Variants in EYS observed in about 807,000 individuals in gnomAD.
EYS encodes the protein protein eyes shut homolog.
Under a neutral mutation model 282.1 loss-of-function variants are expected in EYS, and 250 were observed. The observed-to-expected ratio is 0.89, with a 90% CI of 0.80 to 0.98. The LOEUF (loss-of-function observed/expected upper bound fraction) is 0.98. EYS is among the 50% of genes least tolerant of loss of function. The pLI, the probability that EYS is intolerant of heterozygous loss-of-function variation, is 0.00. For synonymous variants in EYS, 1,355 were observed against 1,282.9 expected (o/e 1.06, Z -1.20); for missense variants, 4,016 against 3,709.0 (o/e 1.08, Z -2.15).
At chr6:65,041,566 A>G (rs887706442) in intron 13 of EYS, among the ~76,000 whole-genome samples, 5 of 151,584 alleles carry the variant, frequency 3.3e-5, no homozygotes, top group Admixed American at 6.6e-5. Flanking sequence ...GAAAATAAGA[A>G]TCTTATTTAT....
At chr6:65,444,707 A>T (rs1028496836) in intron 5 of EYS, among the ~76,000 whole-genome samples, 16 of 152,136 alleles carry the variant, frequency 1.1e-4, no homozygotes, top group Admixed American at 3.9e-4. Context: ...TCTAGCCAAG[A>T]TTAACATTTA....
intron 28 of EYS, 144 bp from the exon 29 acceptor site, chr6:64,388,984 T>G: frequency 1.8e-6 from 1 of 567,472 alleles, no homozygotes; most frequent in South Asian, 5.2e-5. Flanking sequence ...ATTAATCTGT[T>G]ATAAATTAGA....
At chr6:64,251,212 TA>T (rs1382460349) in intron 30 of EYS, among the ~76,000 whole-genome samples, 1 of 152,294 alleles carries the variant, frequency 6.6e-6, no homozygotes, top group East Asian at 1.9e-4. Flanking sequence ...CGTGAAACCT[TA>T]AAATAGTCTT....
intron 2 of EYS, among the ~76,000 whole-genome samples, chr6:65,586,606 C>T (rs367826776): frequency 1.8e-4 from 28 of 151,888 alleles, no homozygotes; most frequent in African/African-American, 4.8e-4. Flanking sequence ...TTGAAACAAC[C>T]GAAGAATGAA....
At chr6:64,670,388 A>G (rs1769408602) in intron 22 of EYS, among the ~76,000 whole-genome samples, 1 of 150,652 alleles carries the variant, frequency 6.6e-6, no homozygotes. Context: ...TACTTTAACA[A>G]TATGAAGTGG....
intron 5 of EYS, among the ~76,000 whole-genome samples, chr6:65,417,944 A>G (rs139407570): frequency 6.6e-6 from 1 of 152,122 alleles, no homozygotes; most frequent in East Asian, 1.9e-4. Flanking sequence ...CATGGGGAGC[A>G]AATAGATATG....
chr6:64,504,678 A>G (rs764915261), intron 26 of EYS, among the ~76,000 whole-genome samples: 16 of 152,214 alleles, frequency 1.1e-4, no homozygotes, highest in Non-Finnish European at 2.1e-4. Context: ...TCATAAGTAA[A>G]TATTTGTATG....
chr6:64,309,251 C>T (rs891484620), intron 29 of EYS, among the ~76,000 whole-genome samples: 2 of 151,980 alleles, frequency 1.3e-5, no homozygotes, highest in African/African-American at 4.8e-5. Context: ...AATATAAACA[C>T]ATTAAAGAGC....
chr6:65,090,729 G>T (rs1216642532), intron 12 of EYS, among the ~76,000 whole-genome samples: 1 of 152,082 alleles, frequency 6.6e-6, no homozygotes, highest in Admixed American at 6.6e-5. Flanking sequence ...ACACAAAGCT[G>T]CTGTCCCAAA....
At chr6:63,748,567 G>A (rs1203774699) in intron 41 of EYS, among the ~76,000 whole-genome samples, 1 of 152,130 alleles carries the variant, frequency 6.6e-6, no homozygotes, top group Non-Finnish European at 1.5e-5. Context: ...AACGGTATCA[G>A]CTCTTCTTTG....
intron 5 of EYS, among the ~76,000 whole-genome samples, chr6:65,486,057 A>G (rs2127260465): frequency 6.6e-6 from 1 of 152,356 alleles, no homozygotes; most frequent in African/African-American, 2.4e-5. Flanking sequence ...TTTGTTAAGT[A>G]TGTGGCATAA....
At chr6:65,187,516 T>A (rs1159731444) in intron 12 of EYS, among the ~76,000 whole-genome samples, 2 of 151,694 alleles carry the variant, frequency 1.3e-5, no homozygotes, top group Admixed American at 1.3e-4. Flanking sequence ...CCTGCAAGAA[T>A]ATGAATAATT....
At chr6:64,539,937 C>T (rs1241030943) in intron 26 of EYS, among the ~76,000 whole-genome samples, 2 of 152,122 alleles carry the variant, frequency 1.3e-5, no homozygotes, top group Non-Finnish European at 2.9e-5. Context: ...TCTTAAACTT[C>T]TGAAATAATT....
At chr6:65,487,355 C>A (rs1291238535) in intron 5 of EYS, among the ~76,000 whole-genome samples, 1 of 152,204 alleles carries the variant, frequency 6.6e-6, no homozygotes, top group Non-Finnish European at 1.5e-5. Context: ...TCCATCGATA[C>A]CTAGTTTATT....
At chr6:64,402,994 A>C (rs191199220) in intron 28 of EYS, among the ~76,000 whole-genome samples, 35 of 152,294 alleles carry the variant, frequency 2.3e-4, no homozygotes, top group African/African-American at 7.9e-4. Context: ...CACATTAATC[A>C]TTGTGATTCT....
intron 2 of EYS, among the ~76,000 whole-genome samples, chr6:65,573,083 T>C (rs1764533730): frequency 6.6e-6 from 1 of 152,032 alleles, no homozygotes; most frequent in Non-Finnish European, 1.5e-5. Flanking sequence ...GCAATGAGAA[T>C]CAGGAAATTC....
chr6:65,379,801 C>A (rs1765540244), intron 8 of EYS, among the ~76,000 whole-genome samples: 1 of 151,788 alleles, frequency 6.6e-6, no homozygotes, highest in Non-Finnish European at 1.5e-5. Flanking sequence ...GCAAAAATCA[C>A]AAGCATTCCT....
intron 12 of EYS, among the ~76,000 whole-genome samples, chr6:65,130,506 T>A (rs896875092): frequency 3.3e-5 from 5 of 151,918 alleles, no homozygotes; most frequent in Non-Finnish European, 7.4e-5. Flanking sequence ...TGTAGGGACT[T>A]GGATGGCACT....
At chr6:64,539,991 C>A (rs1450453176) in intron 26 of EYS, among the ~76,000 whole-genome samples, 1 of 152,184 alleles carries the variant, frequency 6.6e-6, no homozygotes, top group Non-Finnish European at 1.5e-5. Flanking sequence ...AAAGTTTCCT[C>A]CTACTCTGAG....
Sources: gnomAD v4.1 joint callset for allele counts (sites outside exome capture counted in the v4.1 genomes callset) on GRCh38, gnomAD v4.1.1 for gene constraint, MANE v1.5 for transcripts, NCBI Gene and HGNC (gene_info 2026-07-23, HGNC 2026-07-21) for gene names.